Variants in GALNT14 observed in about 807,000 individuals in gnomAD.
GALNT14 encodes the protein polypeptide N-acetylgalactosaminyltransferase 14.
Under a neutral mutation model 77.5 loss-of-function variants are expected in GALNT14, and 60 were observed. That is an observed-to-expected ratio of 0.77 (90% CI 0.63 to 0.96). GALNT14 has a LOEUF of 0.96. GALNT14 is among the 40% of genes least tolerant of loss of function. The pLI is 0.00. For synonymous variants in GALNT14, 280 were observed against 281.7 expected (o/e 0.99, Z 0.06); for missense variants, 710 against 731.0 (o/e 0.97, Z 0.33).
intron 7 of GALNT14, 149 bp downstream of exon 7, chr2:30,945,634 G>A (rs1666646929): frequency 1.5e-6 from 1 of 668,714 alleles, no homozygotes; most frequent in African/African-American, 1.8e-5. Context: ...CTGGTGGTAA[G>A]GGCCAAGCTA....
At chr2:30,920,005 G>C (rs113187629) in intron 13 of GALNT14, among the ~76,000 whole-genome samples, 2,899 of 152,226 alleles carry the variant, frequency 0.019, 32 homozygotes, top group Non-Finnish European at 0.027. Context: ...CCAAGAAGAA[G>C]AATCTCTTGC....
chr2:31,112,008 T>C (rs940193437), intron 1 of GALNT14, among the ~76,000 whole-genome samples: 80 of 152,166 alleles, frequency 5.3e-4, no homozygotes, highest in African/African-American at 1.9e-3. Context: ...TTTTTTTTTT[T>C]TTTCTTTGTA....
the GALNT14 span, among the ~76,000 whole-genome samples, chr2:30,895,952 T>C: frequency 6.6e-6 from 1 of 152,284 alleles, no homozygotes. Flanking sequence ...GCCACGTCAA[T>C]TGGGAGGCAT....
intron 1 of GALNT14, among the ~76,000 whole-genome samples, chr2:31,106,166 T>C (rs1255855091): frequency 6.6e-6 from 1 of 152,214 alleles, no homozygotes; most frequent in Non-Finnish European, 1.5e-5. Context: ...TGAGCTGTTC[T>C]GGATAATTTT....
intron 1 of GALNT14, among the ~76,000 whole-genome samples, chr2:31,078,773 C>T (rs891276224): frequency 6.6e-6 from 1 of 152,098 alleles, no homozygotes; most frequent in African/African-American, 2.4e-5. Context: ...GAAAAGCAGG[C>T]AAGCAGGCAG....
At chr2:30,890,449 G>A in the GALNT14 span, among the ~76,000 whole-genome samples, 2 of 152,158 alleles carry the variant, frequency 1.3e-5, no homozygotes, top group Non-Finnish European at 2.9e-5. Context: ...TGTCTCCCTT[G>A]TAGGGTTGTT....
intron 13 of GALNT14, among the ~76,000 whole-genome samples, chr2:30,921,056 C>T (rs1360312997): frequency 6.6e-6 from 1 of 152,236 alleles, no homozygotes; most frequent in East Asian, 1.9e-4. Flanking sequence ...CCCCAGATGA[C>T]TGCTGTCCCT....
the GALNT14 span, among the ~76,000 whole-genome samples, chr2:30,905,420 G>C: frequency 6.6e-6 from 1 of 152,020 alleles, no homozygotes; most frequent in East Asian, 1.9e-4. Flanking sequence ...GAATGCAGAA[G>C]CCTCAGGAGC....
chr2:30,966,425 C>T, intron 2 of GALNT14, 123 bp from the exon 3 acceptor site: 1 of 688,164 alleles, frequency 1.5e-6, no homozygotes, highest in Non-Finnish European at 2.6e-6. Flanking sequence ...GAAGGGCTTC[C>T]CCAGCTGCAG....
At chr2:31,019,185 C>G (rs1173873130) in intron 1 of GALNT14, among the ~76,000 whole-genome samples, 2 of 152,158 alleles carry the variant, frequency 1.3e-5, no homozygotes, top group East Asian at 3.9e-4. Context: ...ACAGAAGCCC[C>G]AGAGTAGGCA....
chr2:30,934,492 T>G (rs1665937523), intron 9 of GALNT14, among the ~76,000 whole-genome samples: 1 of 152,216 alleles, frequency 6.6e-6, no homozygotes, highest in Non-Finnish European at 1.5e-5. Flanking sequence ...TTCCTTGTAT[T>G]CAAATGAGAC....
chr2:31,086,934 A>G (rs1676459843), intron 1 of GALNT14, among the ~76,000 whole-genome samples: 1 of 152,214 alleles, frequency 6.6e-6, no homozygotes, highest in African/African-American at 2.4e-5. Flanking sequence ...GGAGACAGAT[A>G]AACTCCAAGA....
At chr2:31,045,654 G>C (rs928045735) in intron 1 of GALNT14, among the ~76,000 whole-genome samples, 4 of 152,080 alleles carry the variant, frequency 2.6e-5, no homozygotes, top group Admixed American at 1.3e-4. Context: ...GTAGAGACAG[G>C]GTTTCACCAT....
intron 13 of GALNT14, among the ~76,000 whole-genome samples, chr2:30,923,080 G>C (rs1202121156): frequency 2.0e-5 from 1 of 51,222 alleles, no homozygotes. Flanking sequence ...TTTTTTTTTT[G>C]AAATGGAGTT....
At chr2:30,903,756 T>G in the GALNT14 span, among the ~76,000 whole-genome samples, 1 of 152,212 alleles carries the variant, frequency 6.6e-6, no homozygotes, top group African/African-American at 2.4e-5. Flanking sequence ...GTGTGTTGCT[T>G]TAGGCTGCTA....
At chr2:31,026,489 C>T (rs1672064096) in intron 1 of GALNT14, among the ~76,000 whole-genome samples, 1 of 152,184 alleles carries the variant, frequency 6.6e-6, no homozygotes, top group Non-Finnish European at 1.5e-5. Flanking sequence ...AAGTGGCTGC[C>T]CTGCCCTGGC....
intron 3 of GALNT14, among the ~76,000 whole-genome samples, chr2:30,964,313 C>T (rs888443544): frequency 1.3e-5 from 2 of 152,184 alleles, no homozygotes; most frequent in Admixed American, 6.5e-5. Flanking sequence ...CACATCACAA[C>T]GGCAGGGCTG....
intron 2 of GALNT14, among the ~76,000 whole-genome samples, chr2:30,976,422 T>C (rs1461948393): frequency 6.6e-6 from 1 of 152,212 alleles, no homozygotes; most frequent in Admixed American, 6.5e-5. Flanking sequence ...TTACATTGCC[T>C]AGCCCCTTCC....
intron 9 of GALNT14, among the ~76,000 whole-genome samples, chr2:30,934,432 G>A (rs1665933532): frequency 6.6e-6 from 1 of 152,130 alleles, no homozygotes; most frequent in South Asian, 2.1e-4. Context: ...CACATCTTGT[G>A]CCAGCTTTCT....
Sources: gnomAD v4.1 joint callset for allele counts (sites outside exome capture counted in the v4.1 genomes callset) on GRCh38, gnomAD v4.1.1 for gene constraint, MANE v1.5 for transcripts, NCBI Gene and HGNC (gene_info 2026-07-23, HGNC 2026-07-21) for gene names.